The following SYTL2 variants were observed in gnomAD, a reference collection of about 807,000 sequenced individuals.
The protein encoded by SYTL2 is synaptotagmin like 2, also known as synaptotagmin-like protein 2.
A neutral mutation model predicts 198.7 loss-of-function variants in SYTL2; 165 were observed. The ratio of observed to expected loss-of-function variants is 0.83; its 90% CI spans 0.73 to 0.94. The LOEUF (loss-of-function observed/expected upper bound fraction) is 0.94. Ranked by LOEUF, SYTL2 falls within the 40% of genes least tolerant of loss-of-function variation. The pLI is 0.00. For missense variants in SYTL2, 2,835 were observed against 2,582.8 expected, an observed-to-expected ratio of 1.10 and a Z score of -2.12; for synonymous variants, 966 against 917.7, an observed-to-expected ratio of 1.05 and a Z score of -0.95.
At chr11:85,745,438 T>C (rs920619961) in intron 4 of SYTL2, among the ~76,000 whole-genome samples, 199 bp downstream of exon 4, 2 of 152,204 alleles carry the variant, frequency 1.3e-5, no homozygotes, top group African/African-American at 4.8e-5. Flanking sequence ...TATAGATTTG[T>C]TGGAAATTCT....
the SYTL2 span, among the ~76,000 whole-genome samples, chr11:85,845,390 G>A: frequency 6.6e-6 from 1 of 152,164 alleles, no homozygotes; most frequent in African/African-American, 2.4e-5. Flanking sequence ...GATTATTATT[G>A]TCTTGAATTG....
At chr11:85,839,315 C>A in the SYTL2 span, among the ~76,000 whole-genome samples, 2 of 152,192 alleles carry the variant, frequency 1.3e-5, no homozygotes, top group Non-Finnish European at 2.9e-5. Context: ...TTACTGTCTG[C>A]TATCCCACAG....
In SYTL2 at chr11:85,757,944, G is replaced by C; in HGVS notation, c.-219C>G. 1 of 550,556 alleles carries C rather than the reference G, an allele frequency of 1.8e-6. No homozygotes were observed. The highest frequency in any genetic ancestry group is 2.3e-5 in the South Asian group (1 of 44,242). The allele number at this position is 550,556 out of a possible 1,614,324, so 34.1% of individuals were successfully genotyped here. On this transcript the variant is annotated 5_prime_UTR_variant, in exon 2 of 20. Transcript: ENST00000359152. ...TGAGGAAGTCCTGGTCTGTGGGATA[G>C]TGTCGAGAAGAGGCTCTCAGAAGGA...
chr11:85,727,412 T>TA lies in SYTL2; in HGVS notation c.1945dup (p.Tyr649LeufsTer2). ...TCCTGGGCTTTTTGAATCTTGGCTATAGTCCATATTTTTACTCCCTTGACT... is the reference window on the plus strand; with the variant it reads ...TCCTGGGCTTTTTGAATCTTGGCTATAAGTCCATATTTTTACTCCCTTGACT... On this transcript the variant is annotated frameshift_variant, in exon 8 of 20. Transcript: ENST00000359152. LOFTEE classifies it high-confidence loss of function. 6.5e-7 allele frequency: 1 copy of TA among 1,536,410 alleles called. No individual in the cohort carries two copies. The highest frequency in any genetic ancestry group is 1.4e-5 in the African/African-American group (1 of 73,186).
rs372341098 is a variant in SYTL2 at position 85,720,862 on chromosome 11, T to C, written c.5424A>G (p.Ser1808=). ...TGAGGCGAACTTTATTCTCACTTGA[T>C]GAATCTGATGAAATGTCTTCTAGAC... ...SKSLEDISSD[S]SNQAKVDNQP... Residue 1808 remains serine, a synonymous_variant, in exon 9 of 20, where the codon TCA becomes TCG. Coordinates refer to ENST00000359152, the MANE Select transcript of SYTL2 (RefSeq NM_206927.4). The C allele has an allele frequency of 8.7e-6, 14 of 1,610,012 alleles. No homozygotes were observed. In the African/African-American group the frequency reaches 1.6e-4, roughly 18 times the overall value.
Position 85,696,207 on chromosome 11 carries a change from CT to C in SYTL2, c.6549del (p.Gly2184ValfsTer33). ...DHYKLTNQFL[G>X]GLRIGFGTGK... Reference sequence around the variant, plus strand: ...CCTGTTCCAAAGCCAATACGAAGACCTCCCAAAAATTGGTTGGTTAATTTGT... The same window carrying C: ...CCTGTTCCAAAGCCAATACGAAGACCCCCAAAAATTGGTTGGTTAATTTGT... On this transcript the variant is annotated frameshift_variant, in exon 19 of 20. Coordinates refer to ENST00000359152, the MANE Select transcript of SYTL2 (RefSeq NM_206927.4). LOFTEE classifies it high-confidence loss of function. The C allele has an allele frequency of 6.2e-7, 1 of 1,614,110 alleles. No homozygotes were observed. Among genetic ancestry groups the C allele is most frequent in the Non-Finnish European group, 8.5e-7 (1 of 1,179,986 alleles).
At chr11:85,835,222 T>A in the SYTL2 span, among the ~76,000 whole-genome samples, 7 of 152,320 alleles carry the variant, frequency 4.6e-5, no homozygotes, top group African/African-American at 1.7e-4. Flanking sequence ...CATTTGGAAA[T>A]TCCAGCACTG....
At chr11:85,763,281 T>C (rs1252911269) in intron 1 of SYTL2, among the ~76,000 whole-genome samples, 1 of 152,176 alleles carries the variant, frequency 6.6e-6, no homozygotes, top group East Asian at 1.9e-4. Context: ...ACTCCAAATG[T>C]GGACTCTGCT....
rs1204894428 is a variant in SYTL2, at chr11:85,736,535, ATTT to A, written c.549_551del (p.Lys183del). 6.2e-7 allele frequency: 1 copy of A among 1,602,768 alleles called. No individual in the cohort carries two copies. Among genetic ancestry groups the A allele is most frequent in the Non-Finnish European group, 8.5e-7 (1 of 1,171,662 alleles). ...AAGTCTGAAATAAACCAGTTCTTCCATTTTTTGACTGTTCATTTTTAGTTTGTT... is the reference window on the plus strand; with the variant it reads ...AAGTCTGAAATAAACCAGTTCTTCCATTTGACTGTTCATTTTTAGTTTGTT... On this transcript the variant is annotated inframe_deletion, in exon 6 of 20. Coordinates refer to ENST00000359152, the MANE Select transcript of SYTL2 (RefSeq NM_206927.4).
At chr11:85,711,053 A>G (rs112443918) in intron 13 of SYTL2, 60 bp downstream of exon 13, 1 of 1,576,942 alleles carries the variant, frequency 6.3e-7, no homozygotes, top group Non-Finnish European at 8.6e-7. Context: ...GAGCATGAGC[A>G]TGTCAGAGCA....
chr11:85,709,832 G>A (rs113572883), intron 13 of SYTL2, among the ~76,000 whole-genome samples: 142 of 152,214 alleles, frequency 9.3e-4, no homozygotes, highest in African/African-American at 2.6e-3. Flanking sequence ...ACAGGCGCAC[G>A]CCACCATGCC....
In SYTL2 at chr11:85,774,072, T is replaced by C. The variant is rs11234407; in HGVS notation, c.-389-15958A>G. On this transcript the variant is annotated intron_variant, in intron 1 of 19. Transcript: ENST00000359152. The stretch of plus-strand genomic sequence containing the variant: ...TCAGATGAAAGCCAGCAAGAAAGAA[T>C]GTGATATTACACAGAAAACCAAAAA... Among the ~76,000 whole-genome samples the C allele has an allele frequency of 5.7e-3, 864 of 152,254 alleles. 2 individuals carry two copies. The highest frequency in any genetic ancestry group is 8.5e-3 in the Non-Finnish European group (576 of 68,006).
intron 1 of SYTL2, among the ~76,000 whole-genome samples, chr11:85,758,693 T>C (rs150555435): frequency 6.6e-6 from 1 of 152,322 alleles, no homozygotes; most frequent in East Asian, 1.9e-4. Flanking sequence ...GAAAAACACC[T>C]ACCTGTGTGT....
At chr11:85,845,921 A>T in the SYTL2 span, among the ~76,000 whole-genome samples, 2,207 of 152,314 alleles carry the variant, frequency 0.014, 21 homozygotes, top group African/African-American at 0.029. Context: ...TCTCAAAAAA[A>T]AATAATAATA....
At chr11:85,756,138 A>G (rs1194759678) in intron 2 of SYTL2, among the ~76,000 whole-genome samples, 13 of 152,214 alleles carry the variant, frequency 8.5e-5, no homozygotes, top group Non-Finnish European at 1.9e-4. Flanking sequence ...AGAGGATAAC[A>G]TTCATAAAAG....
chr11:85,840,341 T>C, the SYTL2 span, among the ~76,000 whole-genome samples: 1 of 152,190 alleles, frequency 6.6e-6, no homozygotes, highest in African/African-American at 2.4e-5. Context: ...GCTTGTGGGG[T>C]ATTACTCAAG....
At chr11:85,738,569 G>T (rs541606224) in intron 4 of SYTL2, among the ~76,000 whole-genome samples, 5 of 152,116 alleles carry the variant, frequency 3.3e-5, no homozygotes, top group African/African-American at 1.2e-4. Context: ...AAGCTATCTA[G>T]AAACAGTGAA....
rs368915857 is a variant in SYTL2, at chr11:85,770,559, C to G, written c.-389-12445G>C. On this transcript the variant is annotated intron_variant, in intron 1 of 19. Transcript: ENST00000359152. ...CATCCTTCTCATTTCATTCCAAGTT[C>G]CCTATCCAATCTTCTTTCCTACAGG... Among the ~76,000 whole-genome samples the G allele has an allele frequency of 2.0e-5, 3 of 152,308 alleles. No individual in the cohort carries two copies. In the South Asian group the frequency reaches 6.2e-4, roughly 32 times the overall value.
intron 1 of SYTL2, among the ~76,000 whole-genome samples, chr11:85,770,518 C>A (rs2153577855): frequency 2.0e-5 from 3 of 152,272 alleles, no homozygotes; most frequent in Middle Eastern, 6.8e-3. Flanking sequence ...GTCCAAATTC[C>A]TTACTCCAGT....
Sources: gnomAD v4.1 joint callset for allele counts (sites outside exome capture counted in the v4.1 genomes callset) on GRCh38, gnomAD v4.1.1 for gene constraint, MANE v1.5 for transcripts, NCBI Gene and HGNC (gene_info 2026-07-23, HGNC 2026-07-21) for gene names.